Variants in CDC123 observed in about 807,000 individuals in gnomAD.
The protein encoded by CDC123 is translation initiation factor eIF2 assembly protein.
A neutral mutation model predicts 54.4 loss-of-function variants in CDC123; 37 were observed. The observed-to-expected ratio is 0.68, with a 90% CI of 0.52 to 0.89. The LOEUF is 0.89. Among genes scored for constraint, CDC123 ranks in the 40% least tolerant of loss-of-function variants. The pLI, the probability that CDC123 is intolerant of heterozygous loss-of-function variation, is 0.00. For synonymous variants in CDC123, 144 were observed against 136.8 expected (o/e 1.05, Z -0.37); for missense variants, 361 against 412.1 (o/e 0.88, Z 1.07).
chr10:12,216,471 TTTC>T (rs1835666708), intron 5 of CDC123, among the ~76,000 whole-genome samples: 1 of 152,222 alleles, frequency 6.6e-6, no homozygotes, highest in Non-Finnish European at 1.5e-5. Flanking sequence ...TTTATTATTT[TTTC>T]TTTTTTGTTT....
At position 12,217,416 on chromosome 10, in the gene CDC123, T is replaced by A; in HGVS notation, c.389T>A (p.Ile130Asn). ...SSLKCKTLSDIFLLFKSSDFI... is the reference protein window; with the variant it reads ...SSLKCKTLSDNFLLFKSSDFI... ...CTGAAATGTAAAACCCTCAGCGACA[T>A]CTTTCTGCTTTTCAAGAGTTCCGAT... Residue 130 changes from isoleucine to asparagine, a missense_variant, in exon 6 of 13, where the codon ATC becomes AAC. Transcript: ENST00000281141. 1 of 1,614,094 alleles carries A rather than the reference T, an allele frequency of 6.2e-7. No individual in the cohort carries two copies.
intron 4 of CDC123, among the ~76,000 whole-genome samples, chr10:12,212,678 A>G (rs1835618355): frequency 6.6e-6 from 1 of 152,194 alleles, no homozygotes; most frequent in Non-Finnish European, 1.5e-5. Flanking sequence ...CACAAGTGGA[A>G]AATTCCACAC....
chr10:12,235,541 T>C (rs777483205), intron 8 of CDC123, among the ~76,000 whole-genome samples: 13 of 152,218 alleles, frequency 8.5e-5, no homozygotes, highest in Non-Finnish European at 1.9e-4. Flanking sequence ...CAAGAGAAAA[T>C]ATGTGGACAA....
chr10:12,206,108 A>G (rs111825732), intron 2 of CDC123, among the ~76,000 whole-genome samples: 2 of 152,316 alleles, frequency 1.3e-5, no homozygotes, highest in Admixed American at 6.5e-5. Context: ...CCAAACTTGC[A>G]TATTTTTATA....
rs144204492 is a variant in CDC123, at chr10:12,221,772, AATTT to A, written c.440+4322_440+4325del. ...TTATTTTTTAAATAAATTTTATTAA[AATTT>A]ATTTATTTATTTATTTTTTATTTAC... On this transcript the variant is annotated intron_variant, in intron 6 of 12. Transcript: ENST00000281141. Among the ~76,000 whole-genome samples, 679 of 150,612 alleles carry A rather than the reference AATTT, an allele frequency of 4.5e-3. 10 individuals are homozygous for A. The highest frequency in any genetic ancestry group is 0.015 in the African/African-American group (632 of 41,304).
At position 12,250,555 on chromosome 10, in the gene CDC123, T is replaced by C. The variant is rs1160823154; in HGVS notation, c.*218T>C. ...ATAGATCTTAAACATAGGAAAACCATACTGTTCTGATAATAAAATGCTTTC... is the reference window on the plus strand; with the variant it reads ...ATAGATCTTAAACATAGGAAAACCACACTGTTCTGATAATAAAATGCTTTC... On this transcript the variant is annotated 3_prime_UTR_variant, in exon 13 of 13. Coordinates refer to ENST00000281141, the MANE Select transcript of CDC123 (RefSeq NM_006023.3). The C allele has an allele frequency of 3.6e-6, 2 of 548,156 alleles. No individual in the cohort carries two copies. The highest frequency in any genetic ancestry group is 6.9e-5 in the Admixed American group (2 of 29,000). The allele number at this position is 548,156 out of a possible 1,614,324, so 34.0% of individuals were successfully genotyped here.
chr10:12,213,302 C>A (rs1350041757), intron 4 of CDC123, among the ~76,000 whole-genome samples: 1 of 152,184 alleles, frequency 6.6e-6, no homozygotes, highest in African/African-American at 2.4e-5. Flanking sequence ...ATGTGTGCCT[C>A]CTGATACGAT....
chr10:12,235,025 A>C (rs752001587), intron 7 of CDC123, 23 bp from the exon 8 acceptor site: 1 of 1,594,928 alleles, frequency 6.3e-7, no homozygotes, highest in Non-Finnish European at 8.6e-7. Context: ...TGTTATATTA[A>C]ATATTTTTTC....
chr10:12,246,426 T>A (rs1836138586), intron 11 of CDC123, 149 bp downstream of exon 11: 1 of 805,798 alleles, frequency 1.2e-6, no homozygotes, highest in Non-Finnish European at 1.9e-6. Flanking sequence ...AACCTGCCCA[T>A]GGTGGTGGTC....
intron 6 of CDC123, among the ~76,000 whole-genome samples, chr10:12,224,703 T>G (rs758699024): frequency 6.6e-6 from 1 of 152,208 alleles, no homozygotes; most frequent in African/African-American, 2.4e-5. Context: ...GTTGAAAATT[T>G]CAGTTGAAGA....
chr10:12,227,945 C>A (rs371421981), intron 6 of CDC123, among the ~76,000 whole-genome samples: 5 of 152,088 alleles, frequency 3.3e-5, no homozygotes, highest in Admixed American at 1.3e-4. Context: ...TGTGAGAGTT[C>A]ATGACCTTAA....
chr10:12,202,613 A>G (rs2895504), intron 2 of CDC123, among the ~76,000 whole-genome samples: 77,471 of 152,104 alleles, frequency 0.51, 22,037 homozygotes, highest in Non-Finnish European at 0.63. Context: ...TACCTGTGCA[A>G]CTGACCAGGC....
At chr10:12,202,322 G>A (rs1018714590) in intron 2 of CDC123, among the ~76,000 whole-genome samples, 1 of 152,154 alleles carries the variant, frequency 6.6e-6, no homozygotes, top group African/African-American at 2.4e-5. Flanking sequence ...GAGTTATATA[G>A]TATGTATTCT....
At chr10:12,245,877 C>G (rs1002814114) in intron 10 of CDC123, 17 of 271,792 alleles carry the variant, frequency 6.3e-5, no homozygotes, top group Admixed American at 2.1e-4. Context: ...TCAAGACCAG[C>G]CTGGGCAACA....
Position 12,220,778 on chromosome 10 carries a change from T to A in CDC123, c.440+3311T>A, listed in dbSNP as rs903455467. Among the ~76,000 whole-genome samples the A allele has an allele frequency of 2.0e-5, 3 of 152,148 alleles. No individual in the cohort carries two copies. In the East Asian group the frequency reaches 5.8e-4, roughly 29 times the overall value. ...GGATCATGAGGTCAGGAGATCCAGATCATCCTGGCTAACACGGTGAAACCC... is the reference window on the plus strand; with the variant it reads ...GGATCATGAGGTCAGGAGATCCAGAACATCCTGGCTAACACGGTGAAACCC... On this transcript the variant is annotated intron_variant, in intron 6 of 12. Coordinates refer to ENST00000281141, the MANE Select transcript of CDC123 (RefSeq NM_006023.3).
chr10:12,239,775 G>A (rs1307769253), intron 10 of CDC123, among the ~76,000 whole-genome samples: 7 of 151,596 alleles, frequency 4.6e-5, no homozygotes, highest in East Asian at 1.9e-4. Flanking sequence ...TTGGGAGGCC[G>A]AGACGGGCAG....
chr10:12,239,914 G>A (rs1339840727), intron 10 of CDC123, among the ~76,000 whole-genome samples: 76 of 151,040 alleles, frequency 5.0e-4, no homozygotes, highest in African/African-American at 2.2e-4. Flanking sequence ...AGGCTGAGGC[G>A]GGAGAATGGC....
At chr10:12,222,934 C>G (rs934274422) in intron 6 of CDC123, among the ~76,000 whole-genome samples, 5 of 151,956 alleles carry the variant, frequency 3.3e-5, no homozygotes, top group Non-Finnish European at 7.4e-5. Context: ...CTCTGTTGCC[C>G]AGGCTGGAGT....
At chr10:12,239,027 T>C (rs549769695) in intron 10 of CDC123, among the ~76,000 whole-genome samples, 60 of 152,024 alleles carry the variant, frequency 3.9e-4, no homozygotes, top group African/African-American at 1.4e-3. Flanking sequence ...TGGTGGTGTT[T>C]GCCTGTAGTC....
Sources: allele counts gnomAD v4.1 joint callset (sites outside exome capture counted in the v4.1 genomes callset), GRCh38; gene constraint gnomAD v4.1.1; transcripts MANE v1.5; gene names NCBI Gene and HGNC (gene_info 2026-07-23, HGNC 2026-07-21).